ZSWIM6: variants seen among roughly 807,000 people sequenced by gnomAD.
The protein encoded by ZSWIM6 is zinc finger SWIM-type containing 6.
ZSWIM6 carries 9 observed loss-of-function variants against 113.2 expected under a neutral mutation model. That is an observed-to-expected ratio of 0.08 (90% CI 0.05 to 0.14). The LOEUF is 0.14. Ranked by LOEUF, ZSWIM6 falls within the 10% of genes least tolerant of loss-of-function variation. The probability of loss-of-function intolerance (pLI) is 1.00; values close to 1 mark genes in which losing one functional copy is unlikely to be tolerated. For missense variants in ZSWIM6, 1,162 were observed against 1,552.2 expected (o/e 0.75, Z 4.22); for synonymous variants, 611 against 606.5 (o/e 1.01, Z -0.11).
chr5:61,440,317 G>C (rs971646901), intron 1 of ZSWIM6, among the ~76,000 whole-genome samples: 15 of 143,070 alleles, frequency 1.0e-4, no homozygotes, highest in Non-Finnish European at 2.3e-4. Flanking sequence ...CAGATTTTGT[G>C]TGAAAAAGAA....
chr5:61,501,283 G>A (rs1288994657), intron 4 of ZSWIM6, among the ~76,000 whole-genome samples: 1 of 152,140 alleles, frequency 6.6e-6, no homozygotes, highest in Admixed American at 6.6e-5. Flanking sequence ...TAAGTAAACA[G>A]AGTAATCTCT....
intron 2 of ZSWIM6, among the ~76,000 whole-genome samples, chr5:61,476,946 G>A (rs1747721549): frequency 1.3e-5 from 2 of 151,882 alleles, no homozygotes; most frequent in Admixed American, 1.3e-4. Flanking sequence ...AACAGTGTTG[G>A]GATAATTTTA....
intron 4 of ZSWIM6, among the ~76,000 whole-genome samples, chr5:61,497,488 T>C (rs907399891): frequency 3.3e-5 from 5 of 152,192 alleles, no homozygotes; most frequent in African/African-American, 1.2e-4. Flanking sequence ...TTTTCTAATA[T>C]AAGTGCCTAT....
At chr5:61,390,638 C>T in intron 1 of ZSWIM6, 1 of 766,102 alleles carries the variant, frequency 1.3e-6, no homozygotes, top group African/African-American at 1.7e-5. Context: ...ACTTTTAAGA[C>T]CCCACCAGCT....
intron 1 of ZSWIM6, among the ~76,000 whole-genome samples, chr5:61,420,617 G>T (rs1746336942): frequency 1.3e-5 from 2 of 152,140 alleles, no homozygotes; most frequent in South Asian, 4.1e-4. Context: ...GTAGGGAGGT[G>T]CACGTTAGAA....
At chr5:61,349,233 T>A (rs1744733981) in intron 1 of ZSWIM6, among the ~76,000 whole-genome samples, 1 of 152,196 alleles carries the variant, frequency 6.6e-6, no homozygotes. Context: ...AAATACAAAG[T>A]CTTTTTTTGG....
chr5:61,339,768 A>G (rs1214546091), intron 1 of ZSWIM6, among the ~76,000 whole-genome samples: 3 of 152,224 alleles, frequency 2.0e-5, no homozygotes. Context: ...CTACCTTTCA[A>G]ATTACTGTGG....
chr5:61,538,573 G>C (rs1282349764), intron 10 of ZSWIM6, among the ~76,000 whole-genome samples: 1 of 152,164 alleles, frequency 6.6e-6, no homozygotes, highest in African/African-American at 2.4e-5. Flanking sequence ...TCTTAGGTTT[G>C]GGTGATGAAC....
At chr5:61,434,204 TAATA>T (rs1394677055) in intron 1 of ZSWIM6, among the ~76,000 whole-genome samples, 3 of 147,664 alleles carry the variant, frequency 2.0e-5, no homozygotes, top group Non-Finnish European at 4.5e-5. Flanking sequence ...AATATATGTA[TAATA>T]TATATAAAAA....
intron 1 of ZSWIM6, among the ~76,000 whole-genome samples, chr5:61,361,138 G>A (rs1330225243): frequency 2.0e-5 from 3 of 152,168 alleles, no homozygotes; most frequent in African/African-American, 4.8e-5. Context: ...TGGGCTGAAG[G>A]AGAGGGACTT....
intron 2 of ZSWIM6, among the ~76,000 whole-genome samples, chr5:61,478,602 A>G (rs981056191): frequency 6.6e-6 from 1 of 152,118 alleles, no homozygotes; most frequent in Non-Finnish European, 1.5e-5. Flanking sequence ...GGATATATTT[A>G]GCTTTTAACT....
At chr5:61,506,427 G>T (rs986254799) in intron 4 of ZSWIM6, among the ~76,000 whole-genome samples, 2 of 151,872 alleles carry the variant, frequency 1.3e-5, no homozygotes, top group African/African-American at 4.8e-5. Context: ...TACTGAAAAT[G>T]CAAAAGTTAG....
chr5:61,528,181 T>C (rs1312900129), intron 7 of ZSWIM6, among the ~76,000 whole-genome samples: 2 of 152,188 alleles, frequency 1.3e-5, no homozygotes, highest in African/African-American at 4.8e-5. Context: ...TAACAGCTAC[T>C]TGTTATGGGC....
chr5:61,435,329 T>C (rs1746682851), intron 1 of ZSWIM6, among the ~76,000 whole-genome samples: 1 of 152,180 alleles, frequency 6.6e-6, no homozygotes, highest in East Asian at 1.9e-4. Flanking sequence ...GCTAAAGAAA[T>C]GTGTGCACAG....
At position 61,376,766 on chromosome 5, in the gene ZSWIM6, T is replaced by C. The variant is rs1211799178; in HGVS notation, c.676+43818T>C. 4.9e-5 allele frequency among the ~76,000 whole-genome samples: 7 copies of C among 144,194 alleles called. No individual in the cohort carries two copies. The East Asian group carries it at 1.2e-3, about 25-fold the overall frequency. The allele number at this position is 144,194 out of a possible 152,430, so 94.6% of individuals were successfully genotyped here. A position where few individuals can be genotyped will look rare whatever the true frequency, so the allele number is the denominator to read the frequency against. On this transcript the variant is annotated intron_variant, in intron 1 of 13. Transcript: ENST00000252744. ...GTTTTAACCAGTCAGGAAAATTTTA[T>C]GTAACTAGTGATAGTTTATTTTTTT...
chr5:61,412,516 G>A (rs992472225), intron 1 of ZSWIM6, among the ~76,000 whole-genome samples: 1 of 152,140 alleles, frequency 6.6e-6, no homozygotes, highest in Non-Finnish European at 1.5e-5. Context: ...TGTGTCTTAG[G>A]TTCTGTTTAG....
intron 1 of ZSWIM6, among the ~76,000 whole-genome samples, chr5:61,439,847 TTGG>T (rs1362601811): frequency 1.3e-5 from 2 of 152,202 alleles, no homozygotes; most frequent in Non-Finnish European, 1.5e-5. Context: ...TTTTTCTACA[TTGG>T]TGGTTTTTAA....
intron 1 of ZSWIM6, among the ~76,000 whole-genome samples, chr5:61,362,506 T>C (rs1745051841): frequency 1.3e-5 from 2 of 152,144 alleles, no homozygotes; most frequent in South Asian, 4.1e-4. Flanking sequence ...CTTTAACTTT[T>C]AGTTTTACAG....
At chr5:61,509,338 A>G (rs1199524267) in intron 4 of ZSWIM6, among the ~76,000 whole-genome samples, 3 of 152,206 alleles carry the variant, frequency 2.0e-5, no homozygotes, top group African/African-American at 4.8e-5. Flanking sequence ...ATAGAAGACT[A>G]TGGAACCTGG....
Sources: gnomAD v4.1 joint callset for allele counts (sites outside exome capture counted in the v4.1 genomes callset) on GRCh38, gnomAD v4.1.1 for gene constraint, MANE v1.5 for transcripts, NCBI Gene and HGNC (gene_info 2026-07-23, HGNC 2026-07-21) for gene names.